The following CUX1 variants were observed in gnomAD, a reference collection of about 807,000 sequenced individuals.
CUX1 encodes the protein protein CASP.
A neutral mutation model predicts 158.8 loss-of-function variants in CUX1; 31 were observed. The observed-to-expected ratio is 0.20, with a 90% CI of 0.15 to 0.26. The LOEUF is 0.26. CUX1 is among the 10% of genes least tolerant of loss of function. The pLI is 1.00. For missense variants in CUX1, 1,589 were observed against 2,014.6 expected (o/e 0.79, Z 4.04); for synonymous variants, 879 against 862.1 (o/e 1.02, Z -0.34).
At chr7:102,263,170 C>T (rs931441614), downstream of CUX1, among the ~76,000 whole-genome samples, 5 of 146,348 alleles carry the variant, frequency 3.4e-5, no homozygotes, top group African/African-American at 1.0e-4. Flanking sequence ...CATGCCACCA[C>T]GTCCAGCTAA....
chr7:101,878,132 T>C (rs1799347717), intron 1 of CUX1, among the ~76,000 whole-genome samples: 1 of 152,232 alleles, frequency 6.6e-6, no homozygotes, highest in Non-Finnish European at 1.5e-5. Context: ...ATTGCACTAA[T>C]TATATGCACA....
At chr7:101,823,138 C>G (rs867444658) in intron 1 of CUX1, among the ~76,000 whole-genome samples, 28 of 152,200 alleles carry the variant, frequency 1.8e-4, no homozygotes, top group Middle Eastern at 3.4e-3. Context: ...TTGATTAGAG[C>G]CTCGGGCCAT....
intron 4 of CUX1, among the ~76,000 whole-genome samples, chr7:102,086,517 G>A (rs886442296): frequency 2.4e-4 from 37 of 151,984 alleles, no homozygotes; most frequent in Non-Finnish European, 4.6e-4. Context: ...TTCTAGAAAA[G>A]TGAGCTCTGT....
At chr7:101,820,836 G>A (rs1261124943) in intron 1 of CUX1, among the ~76,000 whole-genome samples, 2 of 152,202 alleles carry the variant, frequency 1.3e-5, no homozygotes, top group African/African-American at 4.8e-5. Flanking sequence ...GGAAACAGGT[G>A]GAATTCTTGG....
At chr7:102,214,954 CT>C (rs1326373160) in intron 20 of CUX1, among the ~76,000 whole-genome samples, 1 of 152,206 alleles carries the variant, frequency 6.6e-6, no homozygotes, top group African/African-American at 2.4e-5. Context: ...GCCAAACTAC[CT>C]TTATACCAGC....
intron 2 of CUX1, among the ~76,000 whole-genome samples, chr7:101,943,700 A>C (rs1808003114): frequency 6.6e-6 from 1 of 151,726 alleles, no homozygotes; most frequent in South Asian, 2.1e-4. Context: ...AAAAAAAAAA[A>C]AATGGGGGCA....
intron 2 of CUX1, among the ~76,000 whole-genome samples, chr7:102,022,115 C>T (rs936800487): frequency 1.3e-5 from 2 of 152,140 alleles, no homozygotes; most frequent in African/African-American, 4.8e-5. Context: ...CAGAGCCTTC[C>T]AGAGAGGGCT....
intron 4 of CUX1, among the ~76,000 whole-genome samples, chr7:102,083,946 C>A (rs923150675): frequency 2.7e-5 from 4 of 146,296 alleles, no homozygotes; most frequent in Admixed American, 7.0e-5. Flanking sequence ...AGTAAAGTGA[C>A]GCGATCTCAG....
rs1804218762 is a variant in CUX1, at chr7:101,916,426, A to G, written c.141+201A>G. 2.1e-6 allele frequency: 1 copy of G among 475,804 alleles called. No homozygotes were observed. Among genetic ancestry groups the G allele is most frequent in the East Asian group, 3.8e-5 (1 of 26,032 alleles). 29.5% of individuals were successfully genotyped at this position (475,804 alleles called of 1,614,324 possible). On this transcript the variant is annotated intron_variant, in intron 2 of 23. Coordinates refer to ENST00000292535, the MANE Select transcript of CUX1 (RefSeq NM_181552.4). This position sits in a 1 kb window ranked among gnomAD's most constrained non-coding sequence, Gnocchi z 4.4. Reference sequence around the variant, plus strand: ...AGGCTGTGGGGATGTGGAAATTGATAGGTTGTCTGGAAATATGAAAGTCAG... The same window carrying G: ...AGGCTGTGGGGATGTGGAAATTGATGGGTTGTCTGGAAATATGAAAGTCAG...
At chr7:101,902,322 C>T (rs994435165) in intron 1 of CUX1, among the ~76,000 whole-genome samples, 2 of 152,154 alleles carry the variant, frequency 1.3e-5, no homozygotes, top group African/African-American at 2.4e-5. Flanking sequence ...TGGTTAATAG[C>T]GTTATCCTCA....
intron 1 of CUX1, among the ~76,000 whole-genome samples, chr7:101,826,234 T>C (rs1033126145): frequency 6.6e-6 from 1 of 152,066 alleles, no homozygotes; most frequent in Non-Finnish European, 1.5e-5. Context: ...AGGGTCTTGC[T>C]CTGTTGCCGG....
chr7:102,148,524 C>T (rs1281050737), intron 8 of CUX1, among the ~76,000 whole-genome samples: 1 of 151,872 alleles, frequency 6.6e-6, no homozygotes, highest in Non-Finnish European at 1.5e-5. Context: ...GCTTGGGCAA[C>T]AGACCAAGAC....
intron 20 of CUX1, among the ~76,000 whole-genome samples, chr7:102,216,644 C>T: frequency 9.0e-6 from 1 of 110,806 alleles, no homozygotes; most frequent in Non-Finnish European, 1.9e-5. Context: ...CACACACGCA[C>T]ACACACACAC....
chr7:102,259,955 C>T (rs112017406), downstream of CUX1, among the ~76,000 whole-genome samples: 2 of 151,800 alleles, frequency 1.3e-5, no homozygotes, highest in African/African-American at 4.8e-5. Context: ...ATTAGTTGGG[C>T]ATGGTGGCAT....
intron 1 of CUX1, among the ~76,000 whole-genome samples, chr7:101,886,190 G>C (rs560029597): frequency 6.6e-6 from 1 of 151,996 alleles, no homozygotes; most frequent in Non-Finnish European, 1.5e-5. Context: ...CCTTCCATAG[G>C]ACTGCCTTTT....
At chr7:101,884,032 A>G (rs1315118646) in intron 1 of CUX1, among the ~76,000 whole-genome samples, 2 of 151,966 alleles carry the variant, frequency 1.3e-5, no homozygotes, top group Non-Finnish European at 2.9e-5. Flanking sequence ...TAGCTGGGAC[A>G]GCAGGTACAT....
Position 101,819,669 on chromosome 7 carries a change from T to G in CUX1, c.30+2000T>G, listed in dbSNP as rs553865555. Among the ~76,000 whole-genome samples, 14 of 152,328 alleles carry G rather than the reference T, an allele frequency of 9.2e-5. No homozygotes were observed. In the East Asian group the frequency reaches 2.3e-3, roughly 25 times the overall value. On this transcript the variant is annotated intron_variant, in intron 1 of 23. Transcript: ENST00000292535. ...GAAATTACACCACTGCTGCTCCTGCTTTTGTTTTCTTGGTTCTTTTAATAT... is the reference window on the plus strand; with the variant it reads ...GAAATTACACCACTGCTGCTCCTGCGTTTGTTTTCTTGGTTCTTTTAATAT...
At chr7:102,236,761 C>T (rs576149386) in intron 22 of CUX1, among the ~76,000 whole-genome samples, 1 of 152,306 alleles carries the variant, frequency 6.6e-6, no homozygotes, top group Non-Finnish European at 1.5e-5. Flanking sequence ...ACCCAACTCC[C>T]TGCTGTGTTT....
intron 2 of CUX1, among the ~76,000 whole-genome samples, chr7:101,918,193 C>G (rs1044805298): frequency 6.6e-6 from 1 of 152,124 alleles, no homozygotes; most frequent in African/African-American, 2.4e-5. Flanking sequence ...GGAGCGTGTC[C>G]CCCTTCGGTC....
Sources: gnomAD v4.1 joint callset for allele counts (sites outside exome capture counted in the v4.1 genomes callset) on GRCh38, gnomAD v4.1.1 for gene constraint, Gnocchi (gnomAD v3.1) non-coding constraint, MANE v1.5 for transcripts, NCBI Gene and HGNC (gene_info 2026-07-23, HGNC 2026-07-21) for gene names.